TNS3: variants seen among roughly 807,000 people sequenced by gnomAD.
TNS3 encodes the protein tensin-3.
TNS3 carries 45 observed loss-of-function variants against 140.9 expected under a neutral mutation model. The observed-to-expected ratio is 0.32, with a 90% CI of 0.25 to 0.41. The LOEUF (loss-of-function observed/expected upper bound fraction) is 0.41, where lower values mean the gene tolerates loss of function less well. Ranked by LOEUF, TNS3 falls within the 10% of genes least tolerant of loss-of-function variation. TNS3 has a pLI of 1.00. For missense variants in TNS3, 1,716 were observed against 1,906.7 expected, an observed-to-expected ratio of 0.90 and a Z score of 1.86; for synonymous variants, 815 against 788.4, an observed-to-expected ratio of 1.03 and a Z score of -0.56.
chr7:47,507,991 G>A (rs1798481353), intron 2 of TNS3, among the ~76,000 whole-genome samples: 1 of 152,212 alleles, frequency 6.6e-6, no homozygotes, highest in Non-Finnish European at 1.5e-5. Context: ...AAGGGACCCT[G>A]CTTTGAAACT....
chr7:47,435,370 G>T lies in TNS3; in HGVS notation c.236C>A (p.Pro79Gln), dbSNP rs556449235. ...TATGGTACACATCTTATCCAGGGGCGGTGCGTGGAGCTCTGGCCAGCCCAC... is the reference window on the plus strand; with the variant it reads ...TATGGTACACATCTTATCCAGGGGCTGTGCGTGGAGCTCTGGCCAGCCCAC... ...MDVGWPELHA[P>Q]PLDKMCTICK... The change falls in exon 8 of 31, where the codon CCG becomes CAG. Residue 79 changes from proline (P) to glutamine (Q), a missense_variant. Around this residue, in one of 3 missense-constraint regions of TNS3, gnomAD observed 337 missense variants for 428.9 expected, o/e 0.79. Transcript: ENST00000311160. The T allele has an allele frequency of 1.2e-6, 2 of 1,613,910 alleles. No individual in the cohort carries two copies. The highest frequency in any genetic ancestry group is 1.7e-6 in the Non-Finnish European group (2 of 1,179,984).
At chr7:47,367,810 A>G (rs1212894914) in intron 17 of TNS3, among the ~76,000 whole-genome samples, 1 of 152,050 alleles carries the variant, frequency 6.6e-6, no homozygotes, top group Admixed American at 6.6e-5. Context: ...GTCTCCCCAC[A>G]CCACCACGGC....
intron 26 of TNS3, 131 bp from the exon 27 acceptor site, chr7:47,292,163 TCTCTTTGGGA>T: frequency 1.2e-6 from 1 of 832,944 alleles, no homozygotes; most frequent in Non-Finnish European, 1.9e-6. Flanking sequence ...GTCAAGAGTT[TCTCTTTGGGA>T]CAATAATTTG....
intron 20 of TNS3, among the ~76,000 whole-genome samples, chr7:47,309,289 A>AATTCACT (rs1419129098): frequency 2.9e-4 from 44 of 152,338 alleles, no homozygotes; most frequent in Middle Eastern, 3.4e-3. Flanking sequence ...AAAGACGAAC[A>AATTCACT]ATTCACTGAA....
At chr7:47,570,452 A>G (rs1279644059) in intron 1 of TNS3, among the ~76,000 whole-genome samples, 2 of 152,240 alleles carry the variant, frequency 1.3e-5, no homozygotes, top group Middle Eastern at 3.2e-3. Flanking sequence ...TTTTCCAAGG[A>G]AATATCAGTA....
chr7:47,305,885 A>T (rs1055196889), intron 20 of TNS3, among the ~76,000 whole-genome samples: 1 of 152,246 alleles, frequency 6.6e-6, no homozygotes, highest in African/African-American at 2.4e-5. Flanking sequence ...TTTCAAAACT[A>T]ATGAGGATTG....
intron 4 of TNS3, among the ~76,000 whole-genome samples, chr7:47,469,806 C>T (rs1251500201): frequency 6.6e-6 from 1 of 151,764 alleles, no homozygotes. Context: ...AAACACTGTC[C>T]CTGATAAAAA....
intron 23 of TNS3, among the ~76,000 whole-genome samples, chr7:47,297,795 T>G (rs1031191737): frequency 2.6e-5 from 4 of 151,124 alleles, no homozygotes; most frequent in South Asian, 2.1e-4. Context: ...GTTTTTTTTT[T>G]TTTTTTTTTT....
chr7:47,328,645 G>A (rs1788164223), intron 20 of TNS3, among the ~76,000 whole-genome samples: 1 of 152,202 alleles, frequency 6.6e-6, no homozygotes, highest in Non-Finnish European at 1.5e-5. Context: ...CCCGGCAGGA[G>A]CCTACACCCA....
intron 17 of TNS3, among the ~76,000 whole-genome samples, 163 bp downstream of exon 17, chr7:47,368,202 A>G (rs1488668346): frequency 2.6e-5 from 4 of 152,186 alleles, no homozygotes; most frequent in African/African-American, 9.6e-5. Flanking sequence ...GCATGACAGC[A>G]TTTGGATCCT....
intron 17 of TNS3, among the ~76,000 whole-genome samples, chr7:47,361,206 CAAA>C (rs56823708): frequency 2.8e-4 from 13 of 47,178 alleles, no homozygotes; most frequent in South Asian, 1.1e-3. Context: ...GTAACCATGC[CAAA>C]AAAAAAAAAA....
intron 20 of TNS3, among the ~76,000 whole-genome samples, chr7:47,330,791 A>G (rs115951543): frequency 9.9e-5 from 15 of 152,192 alleles, no homozygotes; most frequent in African/African-American, 3.6e-4. Context: ...GAGCAAGTTT[A>G]AAGGTCTCGC....
chr7:47,366,608 G>A (rs928908238), intron 17 of TNS3, among the ~76,000 whole-genome samples: 5 of 152,224 alleles, frequency 3.3e-5, no homozygotes, highest in Middle Eastern at 6.8e-3. Context: ...GTGCTCCTTC[G>A]CCCAGGCCAC....
upstream of TNS3, chr7:47,582,435 G>A (rs1388964916): frequency 2.2e-6 from 1 of 456,630 alleles, no homozygotes; most frequent in Admixed American, 2.3e-5. Context: ...ACCTGGGGAG[G>A]CGGGTTCGGA....
chr7:47,443,027 G>A (rs540528176), intron 4 of TNS3, among the ~76,000 whole-genome samples: 5 of 152,262 alleles, frequency 3.3e-5, no homozygotes, highest in Admixed American at 1.3e-4. Context: ...AAAGCCTAGC[G>A]CCAATTCCAA....
intron 5 of TNS3, among the ~76,000 whole-genome samples, 154 bp downstream of exon 5, chr7:47,441,849 A>T (rs1795480657): frequency 6.6e-6 from 1 of 152,112 alleles, no homozygotes; most frequent in African/African-American, 2.4e-5. Context: ...CGGACAGAAA[A>T]CCTGGCCTGT....
intron 20 of TNS3, among the ~76,000 whole-genome samples, chr7:47,318,366 T>C (rs550805083): frequency 1.3e-5 from 2 of 152,230 alleles, no homozygotes; most frequent in South Asian, 2.1e-4. Context: ...CCCTTTGACT[T>C]TGCGAACAGT....
rs565854039 is a variant in TNS3 at position 47,483,327 on chromosome 7, G to A, written c.-114-2186C>T. Among the ~76,000 whole-genome samples the A allele has an allele frequency of 3.0e-4, 46 of 152,014 alleles. No homozygotes were observed. The East Asian group carries it at 7.8e-3, about 26-fold the overall frequency. On this transcript the variant is annotated intron_variant, in intron 3 of 30. Transcript: ENST00000311160. The stretch of plus-strand genomic sequence containing the variant: ...TGGGACTACAGGCGCCCGCCACCAC[G>A]CCTGGCTAATTTTTTGTATTTTTAG...
intron 1 of TNS3, among the ~76,000 whole-genome samples, chr7:47,550,286 A>G (rs972000388): frequency 2.6e-5 from 4 of 152,230 alleles, no homozygotes; most frequent in Non-Finnish European, 5.9e-5. Context: ...ACACGGCCCC[A>G]TGGTTCCATG....
Sources: gnomAD v4.1 joint callset for allele counts (sites outside exome capture counted in the v4.1 genomes callset) on GRCh38, gnomAD v4.1.1 for gene constraint, gnomAD v4.1.1 regional missense constraint, MANE v1.5 for transcripts, NCBI Gene and HGNC (gene_info 2026-07-23, HGNC 2026-07-21) for gene names.